GMDS: variants seen among roughly 807,000 people sequenced by gnomAD.
The protein encoded by GMDS is GDP-mannose 4,6 dehydratase.
In GMDS, 20 loss-of-function variants were observed where a neutral mutation model predicts 49.9. That is an observed-to-expected ratio of 0.40 (90% CI 0.28 to 0.58). The LOEUF is 0.58. GMDS is among the 20% of genes least tolerant of loss of function. The pLI, the probability that GMDS is intolerant of heterozygous loss-of-function variation, is 0.42. For missense variants in GMDS, 362 were observed against 481.4 expected (o/e 0.75, Z 2.32); for synonymous variants, 177 against 178.6 (o/e 0.99, Z 0.07).
At chr6:1,653,527 G>T (rs1763780650) in intron 9 of GMDS, among the ~76,000 whole-genome samples, 1 of 152,180 alleles carries the variant, frequency 6.6e-6, no homozygotes, top group Non-Finnish European at 1.5e-5. Flanking sequence ...TAGCAAAGTT[G>T]GAGAGCTCAC....
At chr6:1,661,661 C>T (rs1027528376) in intron 9 of GMDS, among the ~76,000 whole-genome samples, 19 of 152,196 alleles carry the variant, frequency 1.2e-4, no homozygotes, top group South Asian at 4.1e-4. Flanking sequence ...ACAGGCTGTC[C>T]GAGGACCCTG....
Position 2,142,304 on chromosome 6 carries a change from A to G in GMDS, c.103-17573T>C, listed in dbSNP as rs536497208. ...TGTATATGCTGAAGCCCTAACCTCC[A>G]GGACCTGGGAATGGGATGTTAGTTG... On this transcript the variant is annotated intron_variant, in intron 1 of 10. Coordinates refer to ENST00000380815, the MANE Select transcript of GMDS (RefSeq NM_001500.4). Among the ~76,000 whole-genome samples, 143 of 152,300 alleles carry G rather than the reference A, an allele frequency of 9.4e-4. 1 individual carries two copies. Among genetic ancestry groups the G allele is most frequent in the African/African-American group, 2.7e-3 (111 of 41,556 alleles).
intron 4 of GMDS, among the ~76,000 whole-genome samples, chr6:2,105,510 T>C (rs1774192180): frequency 6.6e-6 from 1 of 152,070 alleles, no homozygotes; most frequent in Non-Finnish European, 1.5e-5. Flanking sequence ...GTGTGAGCCA[T>C]ATGGGAATGT....
chr6:1,833,106 G>T lies in GMDS; in HGVS notation c.772-90520C>A, dbSNP rs1455952456. On this transcript the variant is annotated intron_variant, in intron 7 of 10. Coordinates refer to ENST00000380815, the MANE Select transcript of GMDS (RefSeq NM_001500.4). The surrounding 1 kb of genome is among the most constrained non-coding windows in gnomAD (Gnocchi z 4.4). The stretch of plus-strand genomic sequence containing the variant: ...GCTGGACCTGTGCCCAGCTCACCCG[G>T]CAGTGGAGCGTATGAAAGCCTTTTT... 2.0e-5 allele frequency among the ~76,000 whole-genome samples: 3 copies of T among 151,404 alleles called. No individual in the cohort carries two copies. The East Asian group carries it at 5.8e-4, about 29-fold the overall frequency.
chr6:1,757,206 A>G (rs529547583), intron 7 of GMDS, among the ~76,000 whole-genome samples: 7 of 152,284 alleles, frequency 4.6e-5, no homozygotes, highest in Non-Finnish European at 4.4e-5. Context: ...TGAGGGCAAA[A>G]ATAACTCACG....
chr6:1,711,289 GTTTC>G (rs1765953294), intron 9 of GMDS, among the ~76,000 whole-genome samples: 1 of 152,212 alleles, frequency 6.6e-6, no homozygotes, highest in African/African-American at 2.4e-5. Flanking sequence ...AGAGTCCTAC[GTTTC>G]CAGGGTCCAC....
chr6:2,056,638 A>G (rs1160918507), intron 4 of GMDS, among the ~76,000 whole-genome samples: 1 of 152,208 alleles, frequency 6.6e-6, no homozygotes, highest in Non-Finnish European at 1.5e-5. Context: ...AAATAACCCC[A>G]GACTTACTAA....
chr6:1,733,895 C>T (rs541869922), intron 8 of GMDS, among the ~76,000 whole-genome samples: 3 of 149,102 alleles, frequency 2.0e-5, no homozygotes, highest in East Asian at 2.0e-4. Flanking sequence ...GGAGGCTGAG[C>T]GGCAGCCTGA....
intron 7 of GMDS, among the ~76,000 whole-genome samples, chr6:1,748,234 T>C (rs977096752): frequency 2.0e-5 from 3 of 152,230 alleles, no homozygotes; most frequent in African/African-American, 7.2e-5. Flanking sequence ...TTTTCTAGGA[T>C]ATTATCTATT....
At chr6:1,991,720 TC>T (rs1561953173) in intron 4 of GMDS, among the ~76,000 whole-genome samples, 1 of 152,060 alleles carries the variant, frequency 6.6e-6, no homozygotes, top group Admixed American at 6.5e-5. Context: ...TTGAACAGTG[TC>T]CCCCCAGAAA....
At chr6:1,803,534 C>G (rs1041283002) in intron 7 of GMDS, among the ~76,000 whole-genome samples, 1 of 152,054 alleles carries the variant, frequency 6.6e-6, no homozygotes, top group Non-Finnish European at 1.5e-5. Context: ...AAGGTGGAGG[C>G]TCCCCTTTAG....
chr6:2,098,218 C>T (rs1436922168), intron 4 of GMDS, among the ~76,000 whole-genome samples: 1 of 152,090 alleles, frequency 6.6e-6, no homozygotes, highest in Admixed American at 6.6e-5. Flanking sequence ...ACCACCACAC[C>T]CGGCTAATTT....
At chr6:1,724,400 A>G (rs1306094954) in intron 9 of GMDS, among the ~76,000 whole-genome samples, 1 of 152,204 alleles carries the variant, frequency 6.6e-6, no homozygotes, top group African/African-American at 2.4e-5. Context: ...CAGTCTTGTT[A>G]GTCTGAGGGT....
At chr6:1,790,329 T>C (rs1321744188) in intron 7 of GMDS, among the ~76,000 whole-genome samples, 1 of 152,196 alleles carries the variant, frequency 6.6e-6, no homozygotes, top group East Asian at 1.9e-4. Flanking sequence ...AAAGTCTCCA[T>C]GGGAGTTAGG....
chr6:1,833,034 G>A lies in GMDS; in HGVS notation c.772-90448C>T, dbSNP rs1756740430. Among the ~76,000 whole-genome samples, 1 of 152,112 alleles carries A rather than the reference G, an allele frequency of 6.6e-6. No individual in the cohort carries two copies. Among genetic ancestry groups the A allele is most frequent in the African/African-American group, 2.4e-5 (1 of 41,412 alleles). On this transcript the variant is annotated intron_variant, in intron 7 of 10. Transcript: ENST00000380815. The surrounding 1 kb of genome is among the most constrained non-coding windows in gnomAD (Gnocchi z 4.4). ...AGTGCAACCACTGTCAGTTTTGTGG[G>A]GTTGGCCTCTGATCACTCACACAAA... is the stretch of plus-strand genomic sequence containing the variant.
chr6:1,696,795 A>G (rs1221358278), intron 9 of GMDS, among the ~76,000 whole-genome samples: 7 of 152,248 alleles, frequency 4.6e-5, no homozygotes. Context: ...TTCATCTCCA[A>G]CAGAGGAAGG....
intron 9 of GMDS, among the ~76,000 whole-genome samples, chr6:1,694,848 C>T (rs758428629): frequency 6.6e-6 from 1 of 152,114 alleles, no homozygotes; most frequent in Non-Finnish European, 1.5e-5. Flanking sequence ...ATGAAAAGTA[C>T]CTATTACTTT....
chr6:1,984,156 T>C (rs1765397069), intron 4 of GMDS, among the ~76,000 whole-genome samples: 1 of 151,974 alleles, frequency 6.6e-6, no homozygotes, highest in African/African-American at 2.4e-5. Context: ...CACTTATAAG[T>C]GGGAGGTGAA....
chr6:2,140,777 T>A (rs1347043637), intron 1 of GMDS, among the ~76,000 whole-genome samples: 1 of 152,240 alleles, frequency 6.6e-6, no homozygotes, highest in Admixed American at 6.5e-5. Flanking sequence ...TTTTAAGAAA[T>A]GTTGCAAGAA....
Sources: allele counts gnomAD v4.1 joint callset (sites outside exome capture counted in the v4.1 genomes callset), GRCh38; gene constraint gnomAD v4.1.1; non-coding constraint Gnocchi (gnomAD v3.1); transcripts MANE v1.5; gene names NCBI Gene and HGNC (gene_info 2026-07-23, HGNC 2026-07-21).